The following GDPD5 variants were observed in gnomAD, a reference collection of about 807,000 sequenced individuals.
GDPD5 encodes the protein glycerophosphodiester phosphodiesterase domain containing 5.
GDPD5 carries 48 observed loss-of-function variants against 75.1 expected under a neutral mutation model. That is an observed-to-expected ratio of 0.64 (90% CI 0.51 to 0.81). The LOEUF is 0.81. Among genes scored for constraint, GDPD5 ranks in the 40% least tolerant of loss-of-function variants. The probability of loss-of-function intolerance (pLI) is 0.00; values close to 1 mark genes in which losing one functional copy is unlikely to be tolerated. For synonymous variants in GDPD5, 336 were observed against 339.0 expected, an observed-to-expected ratio of 0.99 and a Z score of 0.10; for missense variants, 706 against 822.6, an observed-to-expected ratio of 0.86 and a Z score of 1.73.
At chr11:75,450,016 A>C in intron 6 of GDPD5, 33 bp from the exon 7 acceptor site, 66 of 1,581,178 alleles carry the variant, frequency 4.2e-5, no homozygotes, top group Non-Finnish European at 4.9e-5. Context: ...ACAGAGGCTC[A>C]GAGCGGGTGG....
chr11:75,479,883 C>T (rs1221516644), intron 2 of GDPD5, among the ~76,000 whole-genome samples: 1 of 152,200 alleles, frequency 6.6e-6, no homozygotes, highest in Non-Finnish European at 1.5e-5. Context: ...CATGGATCAG[C>T]ATTTCATTCC....
intron 1 of GDPD5, among the ~76,000 whole-genome samples, chr11:75,496,574 G>T (rs1950212640): frequency 6.6e-6 from 1 of 152,146 alleles, no homozygotes; most frequent in African/African-American, 2.4e-5. Context: ...GTGTGCAGTG[G>T]CTGTAACAGG....
intron 2 of GDPD5, among the ~76,000 whole-genome samples, chr11:75,481,113 T>C (rs370917033): frequency 3.0e-4 from 46 of 152,294 alleles, no homozygotes; most frequent in African/African-American, 1.1e-3. Context: ...AGGGAGCCTG[T>C]GGGCACTGAC....
chr11:75,476,097 A>G (rs1631470), intron 3 of GDPD5, among the ~76,000 whole-genome samples: 100,115 of 151,938 alleles, frequency 0.66, 33,914 homozygotes, highest in East Asian at 0.92. Context: ...CCTTCTTCTC[A>G]CCTTAGCCTC....
intron 3 of GDPD5, among the ~76,000 whole-genome samples, chr11:75,471,679 C>T (rs930973502): frequency 3.9e-5 from 6 of 152,150 alleles, no homozygotes; most frequent in African/African-American, 1.4e-4. Context: ...CCTGCCCCAC[C>T]CTTGCTCAAG....
chr11:75,504,034 G>A (rs1030021548), intron 1 of GDPD5, among the ~76,000 whole-genome samples: 8 of 152,196 alleles, frequency 5.3e-5, no homozygotes, highest in African/African-American at 1.9e-4. Context: ...TTGACTGGCT[G>A]GGTGAACTTG....
chr11:75,460,303 C>CTT (rs111547458), intron 4 of GDPD5, among the ~76,000 whole-genome samples: 18 of 149,432 alleles, frequency 1.2e-4, no homozygotes, highest in African/African-American at 4.2e-4. Context: ...CCCAGAGATT[C>CTT]TTTTTTTTTT....
chr11:75,511,176 G>A (rs1237058084), intron 1 of GDPD5, among the ~76,000 whole-genome samples: 1 of 152,224 alleles, frequency 6.6e-6, no homozygotes, highest in Admixed American at 6.5e-5. Context: ...CCTGCTGCCT[G>A]AAGTTCCACC....
intron 2 of GDPD5, among the ~76,000 whole-genome samples, chr11:75,480,854 A>G (rs1949898638): frequency 6.6e-6 from 1 of 152,248 alleles, no homozygotes; most frequent in Non-Finnish European, 1.5e-5. Flanking sequence ...ATTATATGAA[A>G]GTCAAATTTC....
chr11:75,437,037 C>T lies in GDPD5; in HGVS notation c.1568G>A (p.Gly523Asp), dbSNP rs749926326. 1.9e-6 allele frequency: 3 copies of T among 1,613,158 alleles called. No homozygotes were observed. Among genetic ancestry groups the T allele is most frequent in the South Asian group, 2.2e-5 (2 of 91,078 alleles). The change falls in exon 16 of 17, where the codon GGT becomes GAT. Residue 523 changes from glycine to aspartate, a missense_variant. Coordinates refer to ENST00000336898, the MANE Select transcript of GDPD5 (RefSeq NM_030792.8). ...GIFVLQKWRL[G>D]GIRSYNPEQI... ...CTCAGGGTTGTAGCTCCGTATGCCA[C>T]CCAGGCGCCACCTGCAGAGATGGCC...
intron 1 of GDPD5, among the ~76,000 whole-genome samples, chr11:75,507,934 A>G (rs1592152137): frequency 6.8e-6 from 1 of 147,234 alleles, no homozygotes; most frequent in Non-Finnish European, 1.5e-5. Flanking sequence ...ATCCCCCAAC[A>G]CCCACCCCCA....
chr11:75,477,744 C>A lies in GDPD5; in HGVS notation c.-9G>T. On this transcript the variant is annotated 5_prime_UTR_variant, in exon 3 of 17. Transcript: ENST00000336898. ...GGCTGGTGTCTCACCATACTCGTGC[C>A]CACGGCCCTGGCGCCTGGCCCTCAG... is the stretch of plus-strand genomic sequence containing the variant. 1 of 1,548,724 alleles carries A rather than the reference C, an allele frequency of 6.5e-7. No individual in the cohort carries two copies.
chr11:75,496,557 C>T (rs1231799114), intron 1 of GDPD5, among the ~76,000 whole-genome samples: 1 of 152,208 alleles, frequency 6.6e-6, no homozygotes, highest in Non-Finnish European at 1.5e-5. Context: ...ACTGTGTAAA[C>T]TGTACAGTGT....
At chr11:75,461,957 G>T (rs1303110457) in intron 4 of GDPD5, among the ~76,000 whole-genome samples, 2 of 152,196 alleles carry the variant, frequency 1.3e-5, no homozygotes, top group Non-Finnish European at 2.9e-5. Flanking sequence ...ATGGCGAAGA[G>T]GAAAAAACAG....
intron 1 of GDPD5, among the ~76,000 whole-genome samples, chr11:75,524,835 T>C (rs184428522): frequency 2.6e-5 from 4 of 152,054 alleles, no homozygotes; most frequent in Non-Finnish European, 5.9e-5. Flanking sequence ...TCCTCAGCTT[T>C]AGCATCAGCG....
At chr11:75,483,012 C>T (rs1949949873) in intron 2 of GDPD5, among the ~76,000 whole-genome samples, 1 of 152,214 alleles carries the variant, frequency 6.6e-6, no homozygotes, top group Non-Finnish European at 1.5e-5. Flanking sequence ...CCACACTCGG[C>T]CGCCGGGACG....
intron 1 of GDPD5, among the ~76,000 whole-genome samples, chr11:75,512,715 A>T (rs995831154): frequency 6.6e-6 from 1 of 152,132 alleles, no homozygotes; most frequent in Middle Eastern, 3.2e-3. Flanking sequence ...CAGGAGTTCC[A>T]GACCAGACTG....
intron 1 of GDPD5, among the ~76,000 whole-genome samples, chr11:75,524,990 G>A (rs755588739): frequency 7.9e-5 from 12 of 152,266 alleles, no homozygotes; most frequent in Non-Finnish European, 1.8e-4. Flanking sequence ...TATTTCAGGA[G>A]TAGCAGTGAG....
intron 1 of GDPD5, among the ~76,000 whole-genome samples, chr11:75,505,626 T>C (rs140786267): frequency 9.9e-5 from 15 of 152,266 alleles, no homozygotes; most frequent in Non-Finnish European, 1.5e-4. Context: ...CAGGACACTC[T>C]CTGATCAAAA....
Sources: gnomAD v4.1 joint callset for allele counts (sites outside exome capture counted in the v4.1 genomes callset) on GRCh38, gnomAD v4.1.1 for gene constraint, MANE v1.5 for transcripts, NCBI Gene and HGNC (gene_info 2026-07-23, HGNC 2026-07-21) for gene names.